The following BLNK variants were observed in gnomAD, a reference collection of about 807,000 sequenced individuals.
BLNK encodes B-cell linker protein.
BLNK carries 29 observed loss-of-function variants against 73.5 expected under a neutral mutation model. That is an observed-to-expected ratio of 0.39 (90% confidence interval 0.29 to 0.54). The LOEUF (loss-of-function observed/expected upper bound fraction) is 0.54, where lower values mean the gene tolerates loss of function less well. Ranked by LOEUF, BLNK falls within the 20% of genes least tolerant of loss-of-function variation. BLNK has a pLI of 0.61. For missense variants in BLNK, 460 were observed against 562.8 expected (o/e 0.82, Z 1.85); for synonymous variants, 176 against 200.8 (o/e 0.88, Z 1.04).
intron 6 of BLNK, among the ~76,000 whole-genome samples, chr10:96,219,760 C>A (rs1410170280): frequency 6.6e-6 from 1 of 152,150 alleles, no homozygotes; most frequent in Admixed American, 6.5e-5. Flanking sequence ...GTAAGATGTC[C>A]TTGGTAAGGT....
At position 96,253,914 on chromosome 10, in the gene BLNK, G is replaced by A. The variant is rs1354511037; in HGVS notation, c.48-6865C>T. ...CGGGCGCCTGTAGTCCCAGCTACTC[G>A]GGAGGCTGAGACAGGAGAATGGCAT... On this transcript the variant is annotated intron_variant, in intron 1 of 16. Coordinates refer to ENST00000224337, the MANE Select transcript of BLNK (RefSeq NM_013314.4). 2.0e-5 allele frequency among the ~76,000 whole-genome samples: 3 copies of A among 151,988 alleles called. No homozygotes were observed. The South Asian group carries it at 6.2e-4, about 32-fold the overall frequency.
chr10:96,193,486 G>A (rs1231474827), intron 16 of BLNK, among the ~76,000 whole-genome samples: 1 of 152,120 alleles, frequency 6.6e-6, no homozygotes, highest in Non-Finnish European at 1.5e-5. Flanking sequence ...TGGTGTTCGG[G>A]GATTGAAGTG....
At chr10:96,239,109 T>C (rs1444724339) in intron 3 of BLNK, 1 of 398,488 alleles carries the variant, frequency 2.5e-6, no homozygotes, top group Non-Finnish European at 4.4e-6. Context: ...CCAGGAGAGA[T>C]TAAATGTTCT....
intron 15 of BLNK, among the ~76,000 whole-genome samples, chr10:96,197,730 T>C (rs1554895042): frequency 6.6e-6 from 1 of 151,994 alleles, no homozygotes; most frequent in African/African-American, 2.4e-5. Flanking sequence ...ATTATGAAAA[T>C]TCTCTCCTCA....
intron 1 of BLNK, among the ~76,000 whole-genome samples, chr10:96,264,212 C>T (rs1274925778): frequency 1.3e-5 from 2 of 152,120 alleles, no homozygotes; most frequent in African/African-American, 2.4e-5. Context: ...CAGAATGGCC[C>T]CAAGTCTGTG....
At chr10:96,206,886 T>G in intron 11 of BLNK, 125 bp downstream of exon 11, 1 of 1,058,140 alleles carries the variant, frequency 9.5e-7, no homozygotes, top group African/African-American at 1.6e-5. Context: ...AAAACTATTT[T>G]GTTTAGAAAA....
chr10:96,201,894 A>C, intron 13 of BLNK, among the ~76,000 whole-genome samples: 1 of 152,338 alleles, frequency 6.6e-6, no homozygotes, highest in Middle Eastern at 3.4e-3. Context: ...GACATAAGTA[A>C]AAAATATATA....
At chr10:96,207,976 C>G in intron 9 of BLNK, 77 bp from the exon 10 acceptor site, 1 of 1,444,430 alleles carries the variant, frequency 6.9e-7, no homozygotes, top group South Asian at 1.1e-5. Context: ...ATTTTAGTCT[C>G]AAATTTAAGC....
intron 2 of BLNK, among the ~76,000 whole-genome samples, chr10:96,246,203 C>T (rs1843038465): frequency 6.6e-6 from 1 of 151,404 alleles, no homozygotes; most frequent in Non-Finnish European, 1.5e-5. Flanking sequence ...TTTCCCTCTC[C>T]AAGTGCCAAT....
chr10:96,228,781 T>C (rs987973152), intron 4 of BLNK, among the ~76,000 whole-genome samples: 1 of 152,234 alleles, frequency 6.6e-6, no homozygotes, highest in Non-Finnish European at 1.5e-5. Flanking sequence ...AATATTTGAC[T>C]CAGGACATAA....
At chr10:96,201,459 AT>A (rs1157602186) in intron 13 of BLNK, among the ~76,000 whole-genome samples, 1 of 152,164 alleles carries the variant, frequency 6.6e-6, no homozygotes, top group Non-Finnish European at 1.5e-5. Flanking sequence ...AAATATAGTT[AT>A]TTTTCATAAA....
chr10:96,192,187 AG>A, intron 16 of BLNK, 95 bp from the exon 17 acceptor site: 1 of 1,519,198 alleles, frequency 6.6e-7, no homozygotes, highest in Non-Finnish European at 9.0e-7. Context: ...AGTTAGTAAA[AG>A]TTATTACACC....
chr10:96,211,841 T>A (rs917289465), intron 8 of BLNK, among the ~76,000 whole-genome samples: 1 of 152,236 alleles, frequency 6.6e-6, no homozygotes, highest in Non-Finnish European at 1.5e-5. Context: ...ATTGAATACT[T>A]AAGACTGACA....
intron 6 of BLNK, among the ~76,000 whole-genome samples, chr10:96,220,841 A>T (rs1326758246): frequency 1.3e-5 from 2 of 152,248 alleles, no homozygotes; most frequent in Non-Finnish European, 2.9e-5. Flanking sequence ...TTCAGTATTA[A>T]TAAGACACTT....
chr10:96,271,537 C>T lies in BLNK; in HGVS notation c.-139G>A, dbSNP rs1844271569. 1.2e-6 allele frequency: 1 copy of T among 864,680 alleles called. No individual in the cohort carries two copies. The highest frequency in any genetic ancestry group is 1.9e-6 in the Non-Finnish European group (1 of 514,856). The allele number at this position is 864,680 out of a possible 1,614,324, so 53.6% of individuals were successfully genotyped here. A position where few individuals can be genotyped will look rare whatever the true frequency, so the allele number is the denominator to read the frequency against. On this transcript the variant is annotated 5_prime_UTR_variant, in exon 1 of 17. Coordinates refer to ENST00000224337, the MANE Select transcript of BLNK (RefSeq NM_013314.4). ...CAAGTCTGATTTCTGAGAGTGCAGG[C>T]TGCTGGCAAACACCCCTGCTCTAGG...
intron 3 of BLNK, among the ~76,000 whole-genome samples, chr10:96,238,277 T>A (rs1842767612): frequency 6.6e-6 from 1 of 152,242 alleles, no homozygotes; most frequent in South Asian, 2.1e-4. Flanking sequence ...GGGCAGTTGC[T>A]GGTCCTTTCT....
At position 96,204,624 on chromosome 10, in the gene BLNK, A is replaced by G. The variant is rs782184897; in HGVS notation, c.818-8T>C. ...CAGCAGGTATAGGTTTTTCTGGATCAGGAAAATTATCATATTAGGATTAGA... is the reference window on the plus strand; with the variant it reads ...CAGCAGGTATAGGTTTTTCTGGATCGGGAAAATTATCATATTAGGATTAGA... On this transcript the variant is annotated splice_polypyrimidine_tract_variant and splice_region_variant and intron_variant, in intron 11 of 16. Transcript: ENST00000224337. 9.3e-6 allele frequency: 15 copies of G among 1,613,692 alleles called. No homozygotes were observed. In the South Asian group the frequency reaches 1.5e-4, roughly 17 times the overall value.
intron 1 of BLNK, among the ~76,000 whole-genome samples, chr10:96,261,841 C>T (rs1470458475): frequency 2.6e-5 from 4 of 152,114 alleles, no homozygotes; most frequent in African/African-American, 9.7e-5. Flanking sequence ...GACATTAATA[C>T]ACTTTTTATG....
chr10:96,268,587 A>G (rs549559872), intron 1 of BLNK, among the ~76,000 whole-genome samples: 10 of 152,224 alleles, frequency 6.6e-5, no homozygotes, highest in Non-Finnish European at 1.2e-4. Context: ...CTCTATTCTT[A>G]TACAGCAGAA....
Sources: gnomAD v4.1 joint callset for allele counts (sites outside exome capture counted in the v4.1 genomes callset) on GRCh38, gnomAD v4.1.1 for gene constraint, MANE v1.5 for transcripts, NCBI Gene and HGNC (gene_info 2026-07-23, HGNC 2026-07-21) for gene names.